Variants in MAP4K5 observed in about 807,000 individuals in gnomAD.
MAP4K5 encodes MAPK/ERK kinase kinase kinase 5.
In MAP4K5, 82 loss-of-function variants were observed where a neutral mutation model predicts 135.6. That is an observed-to-expected ratio of 0.60 (90% CI 0.51 to 0.73). The LOEUF (loss-of-function observed/expected upper bound fraction) is 0.73. Ranked by LOEUF, MAP4K5 falls within the 30% of genes least tolerant of loss-of-function variation. The probability of loss-of-function intolerance (pLI) is 0.00; values close to 1 mark genes in which losing one functional copy is unlikely to be tolerated. For missense variants in MAP4K5, 907 were observed against 1,010.9 expected (o/e 0.90, Z 1.39); for synonymous variants, 347 against 335.0 (o/e 1.04, Z -0.39).
chr14:50,468,623 A>G, intron 10 of MAP4K5, 28 bp downstream of exon 10: 1 of 1,609,046 alleles, frequency 6.2e-7, no homozygotes, highest in South Asian at 1.1e-5. Context: ...TTGATCAATA[A>G]CTGGATAATT....
chr14:50,549,037 A>G (rs1439343156), intron 1 of MAP4K5, among the ~76,000 whole-genome samples: 1 of 152,140 alleles, frequency 6.6e-6, no homozygotes, highest in East Asian at 1.9e-4. Flanking sequence ...TGTCTACAAC[A>G]AAGGGGTGCC....
At chr14:50,437,429 A>G in intron 26 of MAP4K5, 47 bp downstream of exon 26, 1 of 1,367,010 alleles carries the variant, frequency 7.3e-7, no homozygotes, top group Non-Finnish European at 1.0e-6. Flanking sequence ...AATTATAAAG[A>G]TGTTAAAAGT....
At chr14:50,492,618 C>T (rs972598178) in intron 3 of MAP4K5, among the ~76,000 whole-genome samples, 1 of 149,828 alleles carries the variant, frequency 6.7e-6, no homozygotes, top group Non-Finnish European at 1.5e-5. Context: ...AATTTGCTCA[C>T]GAAAGGACAC....
At chr14:50,525,795 G>C (rs1257820446) in intron 2 of MAP4K5, among the ~76,000 whole-genome samples, 2 of 152,166 alleles carry the variant, frequency 1.3e-5, no homozygotes, top group Admixed American at 6.5e-5. Flanking sequence ...AGTGAGCTGA[G>C]ATCATGCCAC....
chr14:50,524,538 G>A (rs1471017492), intron 2 of MAP4K5, among the ~76,000 whole-genome samples: 1 of 152,104 alleles, frequency 6.6e-6, no homozygotes, highest in Non-Finnish European at 1.5e-5. Flanking sequence ...TGAGTATCAT[G>A]ATAAAAAATG....
chr14:50,473,966 C>T (rs1427727903), intron 9 of MAP4K5, among the ~76,000 whole-genome samples: 3 of 152,000 alleles, frequency 2.0e-5, no homozygotes, highest in Non-Finnish European at 2.9e-5. Flanking sequence ...CCTCTTGATC[C>T]GCCCGCCTCA....
chr14:50,497,843 G>C (rs2037626325), intron 3 of MAP4K5, among the ~76,000 whole-genome samples: 1 of 151,898 alleles, frequency 6.6e-6, no homozygotes, highest in African/African-American at 2.4e-5. Context: ...AGACAAGCAA[G>C]GGAACAAACC....
rs1595443182 is a variant in MAP4K5, at chr14:50,443,981, T to C, written c.1395A>G (p.Gln465=). ...CCTTTTTTCGTGGTAACTGTGGTGCTTGTGCTGATCCTTCTGTATTTTCAC... is the reference window on the plus strand; with the variant it reads ...CCTTTTTTCGTGGTAACTGTGGTGCCTGTGCTGATCCTTCTGTATTTTCAC... The part of the protein sequence containing the change: ...LMSENTEGSA[Q]APQLPRKKDK... Residue 465 remains glutamine, a synonymous_variant, in exon 19 of 33, where the codon CAA becomes CAG. Transcript: ENST00000682126. The C allele has an allele frequency of 1.9e-6, 3 of 1,609,492 alleles. No homozygotes were observed. Among genetic ancestry groups the C allele is most frequent in the Non-Finnish European group, 2.5e-6 (3 of 1,177,622 alleles).
intron 2 of MAP4K5, among the ~76,000 whole-genome samples, chr14:50,505,950 A>G (rs1419535438): frequency 6.6e-6 from 1 of 152,216 alleles, no homozygotes; most frequent in Non-Finnish European, 1.5e-5. Flanking sequence ...ACCATCAAAT[A>G]GTCTAAAAAC....
chr14:50,424,514 A>G (rs138519601), intron 31 of MAP4K5, among the ~76,000 whole-genome samples: 1 of 152,116 alleles, frequency 6.6e-6, no homozygotes, highest in African/African-American at 2.4e-5. Flanking sequence ...GTTCGAGACC[A>G]GCCTGGCCAA....
intron 28 of MAP4K5, among the ~76,000 whole-genome samples, chr14:50,430,144 A>ATG (rs956529124): frequency 6.6e-6 from 1 of 152,118 alleles, no homozygotes; most frequent in African/African-American, 2.4e-5. Context: ...ATATATATAT[A>ATG]TGAACACATA....
rs529474394 is a variant in MAP4K5 at position 50,496,815 on chromosome 14, AAAAAAT to A, written c.166+7979_166+7984del. ...GGTGTGAACCACCGCTCCCAGACCAAAAAAATAAAAATAAAAATAAAAATAAAAATA... is the reference window on the plus strand; with the variant it reads ...GGTGTGAACCACCGCTCCCAGACCAAAAAAATAAAAATAAAAATAAAAATA... On this transcript the variant is annotated intron_variant, in intron 3 of 32. Transcript: ENST00000682126. Among the ~76,000 whole-genome samples, 369 of 151,712 alleles carry A rather than the reference AAAAAAT, an allele frequency of 2.4e-3. 3 individuals are homozygous for A. The highest frequency in any genetic ancestry group is 0.021 in the South Asian group (101 of 4,812).
chr14:50,505,872 A>G (rs1028548168), intron 2 of MAP4K5, among the ~76,000 whole-genome samples: 2 of 152,160 alleles, frequency 1.3e-5, no homozygotes, highest in African/African-American at 4.8e-5. Flanking sequence ...ATTATTTAAG[A>G]CATATTTGTT....
intron 1 of MAP4K5, among the ~76,000 whole-genome samples, chr14:50,550,919 G>A (rs2038694576): frequency 6.6e-6 from 1 of 152,104 alleles, no homozygotes; most frequent in South Asian, 2.1e-4. Context: ...GAAGGTCATA[G>A]CATTAAATGC....
At chr14:50,525,652 A>G (rs2038248209) in intron 2 of MAP4K5, among the ~76,000 whole-genome samples, 3 of 152,128 alleles carry the variant, frequency 2.0e-5, no homozygotes, top group Non-Finnish European at 4.4e-5. Context: ...CCTGGGCAAC[A>G]TGGCGAAACC....
chr14:50,491,423 A>T (rs551348457), intron 3 of MAP4K5, among the ~76,000 whole-genome samples: 1 of 151,664 alleles, frequency 6.6e-6, no homozygotes, highest in Admixed American at 6.6e-5. Context: ...CCTGGGTTCA[A>T]GTGATTCTCC....
intron 28 of MAP4K5, among the ~76,000 whole-genome samples, chr14:50,433,993 C>A (rs1321868263): frequency 1.3e-5 from 2 of 152,152 alleles, no homozygotes; most frequent in Non-Finnish European, 1.5e-5. Context: ...CTATTCAGGT[C>A]TGAAAGCCAC....
chr14:50,469,546 G>A (rs551282626), intron 9 of MAP4K5, among the ~76,000 whole-genome samples: 1 of 152,290 alleles, frequency 6.6e-6, no homozygotes, highest in African/African-American at 2.4e-5. Context: ...TGCATGGCAA[G>A]ATGAAGGATA....
rs1302770036 is a variant in MAP4K5, at chr14:50,486,736, G to GTTCAAGA, written c.167-543_167-542insTCTTGAA. Among the ~76,000 whole-genome samples, 9 of 152,234 alleles carry GTTCAAGA rather than the reference G, an allele frequency of 5.9e-5. No homozygotes were observed. The South Asian group carries it at 1.9e-3, about 32-fold the overall frequency. On this transcript the variant is annotated intron_variant, in intron 3 of 32. Transcript: ENST00000682126. ...ACTTGAGGTCAGGAGTTCAAGACCA[G>GTTCAAGA]CCTGGCCAACATGGTGAGACCCCGT...
Sources: gnomAD v4.1 joint callset for allele counts (sites outside exome capture counted in the v4.1 genomes callset) on GRCh38, gnomAD v4.1.1 for gene constraint, MANE v1.5 for transcripts, NCBI Gene and HGNC (gene_info 2026-07-23, HGNC 2026-07-21) for gene names.